The following STK36 variants were observed in gnomAD, a reference collection of about 807,000 sequenced individuals.
The protein encoded by STK36 is serine/threonine-protein kinase 36.
Under a neutral mutation model 142.2 loss-of-function variants are expected in STK36, and 116 were observed. That is an observed-to-expected ratio of 0.82 (90% CI 0.70 to 0.95). STK36 has a LOEUF of 0.95. Among genes scored for constraint, STK36 ranks in the 40% least tolerant of loss-of-function variants. STK36 has a pLI of 0.00. For synonymous variants in STK36, 619 were observed against 641.7 expected (o/e 0.96, Z 0.53); for missense variants, 1,422 against 1,617.2 (o/e 0.88, Z 2.07).
chr2:218,677,591 A>G (rs915793190), intron 6 of STK36, among the ~76,000 whole-genome samples: 8 of 152,232 alleles, frequency 5.3e-5, no homozygotes, highest in Admixed American at 1.3e-4. Flanking sequence ...CATGCCATCT[A>G]TTCCACTTAC....
intron 4 of STK36, among the ~76,000 whole-genome samples, chr2:218,674,293 G>T (rs1940134420): frequency 6.6e-6 from 1 of 152,218 alleles, no homozygotes; most frequent in Non-Finnish European, 1.5e-5. Flanking sequence ...GTCATGTAAT[G>T]TGTTTGAATA....
chr2:218,695,573 G>T (rs1424711740), intron 21 of STK36, among the ~76,000 whole-genome samples: 2 of 115,886 alleles, frequency 1.7e-5, no homozygotes, highest in Non-Finnish European at 3.2e-5. Flanking sequence ...TTATTCTGTC[G>T]CCCAGGCTGG....
At chr2:218,679,495 T>C (rs1940404041) in intron 7 of STK36, 65 bp from the exon 8 acceptor site, 2 of 1,550,670 alleles carry the variant, frequency 1.3e-6, no homozygotes, top group African/African-American at 1.4e-5. Flanking sequence ...AAGTTGTCCC[T>C]GGCCAAGTGG....
intron 26 of STK36, 121 bp downstream of exon 26, chr2:218,699,469 C>G (rs1941366511): frequency 1.4e-6 from 2 of 1,423,874 alleles, no homozygotes; most frequent in Non-Finnish European, 1.9e-6. Context: ...CGTGTTTCTC[C>G]CAGGGACAGT....
Position 218,697,072 on chromosome 2 carries a change from A to G in STK36, c.2620A>G (p.Ser874Gly). 6.2e-7 allele frequency: 1 copy of G among 1,614,122 alleles called. No individual in the cohort carries two copies. The highest frequency in any genetic ancestry group is 8.5e-7 in the Non-Finnish European group (1 of 1,180,010). The change falls in exon 23 of 27, where the codon AGT becomes GGT. Residue 874 changes from serine to glycine, a missense_variant. Physicochemically the swap from Ser to Gly is moderately conservative, Grantham distance 56 (BLOSUM62 0). Transcript: ENST00000295709. ...GKASLIRDMS[S>G]SEMWTVLWHR... is the part of the protein sequence containing the mutation. ...GGCTAGCCTAATCAGGGATATGTCC[A>G]GTTCAGAAATGTGGACCGTTTTGTG...
intron 24 of STK36, 112 bp downstream of exon 24, chr2:218,697,722 G>A: frequency 6.3e-7 from 1 of 1,587,462 alleles, no homozygotes; most frequent in Non-Finnish European, 8.6e-7. Context: ...GATGAGATCA[G>A]GTTTAGGCTG....
Position 218,690,477 on chromosome 2 carries a change from C to T in STK36, c.1686C>T (p.Asn562=), listed in dbSNP as rs762237184. ...DSLQVFQEAA[N]LFLDLLGKLL... is the part of the protein sequence containing the mutation. ...TGCAGGTGTTTCAGGAGGCTGCCAACCTTTTTCTGGACCTGTTGGGGAAAC... is the reference window on the plus strand; with the variant it reads ...TGCAGGTGTTTCAGGAGGCTGCCAATCTTTTTCTGGACCTGTTGGGGAAAC... Residue 562 remains asparagine, a synonymous_variant, in exon 14 of 27, where the codon AAC becomes AAT. Coordinates refer to ENST00000295709, the MANE Select transcript of STK36 (RefSeq NM_015690.5). 1.9e-6 allele frequency: 3 copies of T among 1,614,026 alleles called. No homozygotes were observed. Among genetic ancestry groups the T allele is most frequent in the African/African-American group, 2.7e-5 (2 of 74,912 alleles).
At chr2:218,700,926 C>G (rs1941417219) in intron 26 of STK36, among the ~76,000 whole-genome samples, 1 of 150,566 alleles carries the variant, frequency 6.6e-6, no homozygotes, top group Non-Finnish European at 1.5e-5. Context: ...GCAAGAGAAT[C>G]CCTTGAACCT....
intron 13 of STK36, 68 bp downstream of exon 13, chr2:218,690,024 C>A: frequency 7.1e-7 from 1 of 1,399,364 alleles, no homozygotes; most frequent in Non-Finnish European, 9.9e-7. Context: ...GTGCCCTTCC[C>A]ATTTAGGAAC....
Position 218,680,094 on chromosome 2 carries a change from A to T in STK36, c.1136+14A>T. The T allele has an allele frequency of 1.2e-6, 2 of 1,612,528 alleles. No homozygotes were observed. Among genetic ancestry groups the T allele is most frequent in the Non-Finnish European group, 1.7e-6 (2 of 1,179,268 alleles). On this transcript the variant is annotated intron_variant, in intron 9 of 26. Transcript: ENST00000295709. ...CTCTGCACCTCGGTGAGAAGGGTAT[A>T]GTTAGGGATTTGTAGGGTGAGGTAT...
chr2:218,696,742 C>T, intron 22 of STK36, 141 bp downstream of exon 22: 1 of 991,830 alleles, frequency 1.0e-6, no homozygotes, highest in Non-Finnish European at 1.6e-6. Context: ...TTGGAACTTC[C>T]CCGCCTGCCC....
At chr2:218,689,133 ATAGAG>A (rs1940896050) in intron 12 of STK36, among the ~76,000 whole-genome samples, 1 of 152,202 alleles carries the variant, frequency 6.6e-6, no homozygotes. Context: ...CCTCCTCTAA[ATAGAG>A]TAGAGGCATC....
In STK36 at chr2:218,679,588, G is replaced by C. The variant is rs755616290; in HGVS notation, c.807G>C (p.Leu269Phe). Residue 269 changes from leucine (L) to phenylalanine (F), a missense_variant, in exon 8 of 27, where the codon TTG becomes TTC. By Grantham distance (22) the Leu-to-Phe change is conservative (BLOSUM62 0). This residue lies in a region of STK36 where 460 missense variants were observed against 449.6 expected (regional missense o/e 1.02). Transcript: ENST00000295709. ...TAACTGAGCCAGCAGGCCCAGATTT[G>C]GGGACCCCATTCACCAGCCGCCTAC... The part of the protein sequence containing the change: ...TIITEPAGPD[L>F]GTPFTSRLPP... 6.2e-7 allele frequency: 1 copy of C among 1,613,964 alleles called. No homozygotes were observed. Among genetic ancestry groups the C allele is most frequent in the Admixed American group, 1.7e-5 (1 of 59,984 alleles).
In STK36 at chr2:218,675,363, G is replaced by T. The variant is rs1940187342; in HGVS notation, c.324G>T (p.Gln108His). Residue 108 changes from glutamine to histidine, a missense_variant, in exon 5 of 27, where the codon CAG becomes CAT. Coordinates refer to ENST00000295709, the MANE Select transcript of STK36 (RefSeq NM_015690.5). ...TCTAGGTTCAGGCCATTGCTGCCCA[G>T]TTGGTGTCAGCCCTGTACTATCTGC... is the stretch of plus-strand genomic sequence containing the variant. The part of the protein sequence containing the change: ...PEDQVQAIAA[Q>H]LVSALYYLHS... 1 of 1,612,390 alleles carries T rather than the reference G, an allele frequency of 6.2e-7. No individual in the cohort carries two copies. The highest frequency in any genetic ancestry group is 8.5e-7 in the Non-Finnish European group (1 of 1,179,456).
In STK36 at chr2:218,698,804, A is replaced by G. The variant is rs1178202639; in HGVS notation, c.3260A>G (p.His1087Arg). ...TCCGACCTTCTCTCTCTGCTGGCCC[A>G]TACTGCCAGGGTCCTGTCTCCCAGC... is the stretch of plus-strand genomic sequence containing the variant. ...LTSDLLSLLA[H>R]TARVLSPSHL... Residue 1087 changes from histidine (H) to arginine (R), a missense_variant, in exon 26 of 27, where the codon CAT (histidine) becomes CGT (arginine). His to Arg is a conservative substitution (Grantham distance 29). Coordinates refer to ENST00000295709, the MANE Select transcript of STK36 (RefSeq NM_015690.5). The G allele has an allele frequency of 3.1e-6, 5 of 1,613,998 alleles. No individual in the cohort carries two copies. In the African/African-American group the frequency reaches 4.0e-5, roughly 13 times the overall value.
chr2:218,672,756 TG>T lies in STK36; in HGVS notation c.-72del. The T allele has an allele frequency of 6.7e-7, 1 of 1,491,710 alleles. No homozygotes were observed. The highest frequency in any genetic ancestry group is 9.3e-7 in the Non-Finnish European group (1 of 1,072,600). 92.4% of individuals were successfully genotyped at this position (1,491,710 alleles called of 1,614,324 possible). A position where few individuals can be genotyped will look rare whatever the true frequency, so the allele number is the denominator to read the frequency against. ...CCCCAACTAGGCGTCCCAGATGTTG[TG>T]GAACTGTCCCTGGATCTATAGCTCT... On this transcript the variant is annotated 5_prime_UTR_variant, in exon 2 of 27. The change creates a premature stop within an existing upstream ORF in the 5' untranslated region. Coordinates refer to ENST00000295709, the MANE Select transcript of STK36 (RefSeq NM_015690.5).
In STK36 at chr2:218,683,947, G is replaced by A. The variant is rs1243906803; in HGVS notation, c.1237-1138G>A. Among the ~76,000 whole-genome samples, 3 of 145,784 alleles carry A rather than the reference G, an allele frequency of 2.1e-5. No individual in the cohort carries two copies. In the East Asian group the frequency reaches 5.9e-4, roughly 28 times the overall value. ...TTTTATGGCTGCATAGTATTCCATG[G>A]TGTATATGTGCCACTTTTTTTTTTT... is the stretch of plus-strand genomic sequence containing the variant. On this transcript the variant is annotated intron_variant, in intron 10 of 26. Transcript: ENST00000295709.
chr2:218,674,183 T>C (rs546364299), intron 4 of STK36, among the ~76,000 whole-genome samples: 13 of 152,362 alleles, frequency 8.5e-5, no homozygotes, highest in South Asian at 2.1e-4. Context: ...CTGGGTCTCA[T>C]TGGACAAGTT....
intron 26 of STK36, 103 bp downstream of exon 26, chr2:218,699,451 A>G (rs1941365622): frequency 6.7e-7 from 1 of 1,484,786 alleles, no homozygotes; most frequent in Admixed American, 2.2e-5. Flanking sequence ...ACATGGAGAA[A>G]CTTATGCCGT....
Sources: allele counts gnomAD v4.1 joint callset (sites outside exome capture counted in the v4.1 genomes callset), GRCh38; gene constraint gnomAD v4.1.1; regional missense constraint gnomAD v4.1.1; transcripts MANE v1.5; gene names NCBI Gene and HGNC (gene_info 2026-07-23, HGNC 2026-07-21).